Variants in PLBD2 observed in about 807,000 individuals in gnomAD.
PLBD2 encodes putative aminopeptidase PLBD2.
A neutral mutation model predicts 68.3 loss-of-function variants in PLBD2; 51 were observed. The ratio of observed to expected loss-of-function variants is 0.75; its 90% CI spans 0.60 to 0.94. PLBD2 has a LOEUF of 0.94. Ranked by LOEUF, PLBD2 falls within the 40% of genes least tolerant of loss-of-function variation. The pLI, the probability that PLBD2 is intolerant of heterozygous loss-of-function variation, is 0.00. For synonymous variants in PLBD2, 314 were observed against 339.3 expected (o/e 0.93, Z 0.82); for missense variants, 729 against 792.2 (o/e 0.92, Z 0.96).
intron 5 of PLBD2, among the ~76,000 whole-genome samples, chr12:113,379,616 A>G (rs1957467196): frequency 6.6e-6 from 1 of 152,072 alleles, no homozygotes; most frequent in Non-Finnish European, 1.5e-5. Context: ...CCAGACTAGC[A>G]CTTGTCAAGG....
At position 113,372,554 on chromosome 12, in the gene PLBD2, G is replaced by A; in HGVS notation, c.385-95G>A. The A allele has an allele frequency of 7.3e-7, 1 of 1,372,134 alleles. No individual in the cohort carries two copies. The highest frequency in any genetic ancestry group is 1.0e-6 in the Non-Finnish European group (1 of 996,326). The allele number at this position is 1,372,134 out of a possible 1,614,324, so 85.0% of individuals were successfully genotyped here. ...AGCAAGGACTCAGGTGGCCACACCAGCAGCCTCCGCTCTGGGGCAGCCTGG... is the reference window on the plus strand; with the variant it reads ...AGCAAGGACTCAGGTGGCCACACCAACAGCCTCCGCTCTGGGGCAGCCTGG... On this transcript the variant is annotated intron_variant, in intron 2 of 11. Transcript: ENST00000280800. This position sits in a 1 kb window ranked among gnomAD's most constrained non-coding sequence, Gnocchi z 4.2.
At chr12:113,360,113 G>C (rs1023161831) in intron 1 of PLBD2, among the ~76,000 whole-genome samples, 1 of 152,204 alleles carries the variant, frequency 6.6e-6, no homozygotes, top group Non-Finnish European at 1.5e-5. Context: ...CCCCATTCTG[G>C]TGGCACTTGG....
At chr12:113,387,614 G>A (rs528176685) in intron 10 of PLBD2, 130 bp from the exon 11 acceptor site, 2 of 988,742 alleles carry the variant, frequency 2.0e-6, no homozygotes, top group South Asian at 2.9e-5. Flanking sequence ...GTCGGGGGTA[G>A]TGTGCAGTGG....
At chr12:113,376,596 A>T (rs1434416571) in intron 5 of PLBD2, among the ~76,000 whole-genome samples, 3 of 152,208 alleles carry the variant, frequency 2.0e-5, no homozygotes, top group Non-Finnish European at 4.4e-5. Context: ...GCATGGGAAG[A>T]ATTAGAGCTA....
At chr12:113,371,295 C>T (rs1267067405) in intron 2 of PLBD2, among the ~76,000 whole-genome samples, 1 of 152,136 alleles carries the variant, frequency 6.6e-6, no homozygotes, top group East Asian at 1.9e-4. Context: ...AAGTGGGAGT[C>T]CTTAAAACAC....
At position 113,387,793 on chromosome 12, in the gene PLBD2, C is replaced by T. The variant is rs749925671; in HGVS notation, c.1489C>T (p.Pro497Ser). 8 of 1,614,186 alleles carry T rather than the reference C, an allele frequency of 5.0e-6. No individual in the cohort carries two copies. Among genetic ancestry groups the T allele is most frequent in the Middle Eastern group, 1.6e-4 (1 of 6,062 alleles). The change falls in exon 11 of 12, where the codon CCC becomes TCC. Residue 497 changes from proline (P) to serine (S), a missense_variant. Pro to Ser is a moderately conservative substitution (Grantham distance 74, BLOSUM62 -1). Coordinates refer to ENST00000280800, the MANE Select transcript of PLBD2 (RefSeq NM_173542.4). ...TCTGTCACTGTGCAAAGCCTGCAAC[C>T]CCCAGCCCAATGGGGAGAATGCTAT... ...DPLSLCKACN[P>S]QPNGENAISA...
chr12:113,382,286 A>G (rs1211641918), intron 6 of PLBD2, among the ~76,000 whole-genome samples: 1 of 152,210 alleles, frequency 6.6e-6, no homozygotes, highest in Non-Finnish European at 1.5e-5. Context: ...TAAATACCAT[A>G]AGTTAGAAGA....
intron 2 of PLBD2, among the ~76,000 whole-genome samples, chr12:113,370,264 A>G (rs1474600620): frequency 6.6e-6 from 1 of 152,038 alleles, no homozygotes; most frequent in Non-Finnish European, 1.5e-5. Flanking sequence ...AAATGACTGA[A>G]TGAAAGGGAA....
intron 3 of PLBD2, among the ~76,000 whole-genome samples, chr12:113,373,856 A>G (rs948404692): frequency 6.8e-6 from 1 of 146,598 alleles, no homozygotes; most frequent in African/African-American, 2.5e-5. Flanking sequence ...CCATACATAC[A>G]TACATCCACC....
At position 113,358,742 on chromosome 12, in the gene PLBD2, CGCTGGGCGCGCGATGGGCA is replaced by C. The variant is rs772351005; in HGVS notation, c.144_162del (p.Trp49SerfsTer81). On this transcript the variant is annotated frameshift_variant, in exon 1 of 12. Coordinates refer to ENST00000280800, the MANE Select transcript of PLBD2 (RefSeq NM_173542.4). LOFTEE classifies it high-confidence loss of function. ...GGGGGCGATCCCAGCGCCGGGGGGC[CGCTGGGCGCGCGATGGGCA>C]GGTCCCTCCAGCCTCCCGCAGCCGC... is the stretch of plus-strand genomic sequence containing the variant. The C allele has an allele frequency of 7.2e-7, 1 of 1,392,708 alleles. No individual in the cohort carries two copies. 86.3% of individuals were successfully genotyped at this position (1,392,708 alleles called of 1,614,324 possible). A position where few individuals can be genotyped will look rare whatever the true frequency, so the allele number is the denominator to read the frequency against.
At chr12:113,385,016 G>C in intron 8 of PLBD2, 70 bp downstream of exon 8, 1 of 1,460,766 alleles carries the variant, frequency 6.8e-7, no homozygotes, top group South Asian at 1.2e-5. Context: ...GCCCAGAGCC[G>C]TGCTGGCGCT....
intron 1 of PLBD2, among the ~76,000 whole-genome samples, chr12:113,363,695 G>A (rs1281293236): frequency 4.0e-5 from 6 of 151,618 alleles, no homozygotes; most frequent in East Asian, 1.9e-4. Context: ...CCGCCCCCAC[G>A]CCCGGCTAAT....
chr12:113,367,376 A>G (rs78745345), intron 1 of PLBD2, among the ~76,000 whole-genome samples: 3,864 of 152,230 alleles, frequency 0.025, 150 homozygotes, highest in East Asian at 0.12. Context: ...GGCAAACAGA[A>G]GTTTGCTCAT....
intron 1 of PLBD2, among the ~76,000 whole-genome samples, chr12:113,365,685 C>T (rs1957336570): frequency 6.6e-6 from 1 of 152,060 alleles, no homozygotes. Flanking sequence ...CTGTAATTCC[C>T]TGTATCAAGG....
chr12:113,387,005 C>T lies in PLBD2; in HGVS notation c.1355C>T (p.Ser452Phe). The change falls in exon 10 of 12, where the codon TCT becomes TTT. Residue 452 changes from serine to phenylalanine, a missense_variant. Ser to Phe is a radical substitution (Grantham distance 155, BLOSUM62 -2). Coordinates refer to ENST00000280800, the MANE Select transcript of PLBD2 (RefSeq NM_173542.4). ...GTGGCCCAGTATGGGGACTGGTTTT[C>T]TTATGACGGGAGCCCCCGGGCCCAG... ...ALVAQYGDWF[S>F]YDGSPRAQIF... The T allele has an allele frequency of 1.2e-6, 2 of 1,612,676 alleles. No individual in the cohort carries two copies. Among genetic ancestry groups the T allele is most frequent in the Non-Finnish European group, 1.7e-6 (2 of 1,179,462 alleles).
intron 6 of PLBD2, among the ~76,000 whole-genome samples, chr12:113,381,179 G>C (rs901023296): frequency 1.3e-5 from 2 of 152,146 alleles, no homozygotes; most frequent in East Asian, 3.9e-4. Flanking sequence ...ACTTGGGGAT[G>C]TTTGGGACTA....
At position 113,374,583 on chromosome 12, in the gene PLBD2, C is replaced by T. The variant is rs1409616762; in HGVS notation, c.644+9C>T. 6.3e-7 allele frequency: 1 copy of T among 1,584,368 alleles called. No individual in the cohort carries two copies. The highest frequency in any genetic ancestry group is 8.6e-7 in the Non-Finnish European group (1 of 1,163,832). On this transcript the variant is annotated intron_variant, in intron 4 of 11. Coordinates refer to ENST00000280800, the MANE Select transcript of PLBD2 (RefSeq NM_173542.4). ...AAACCCTTGGGGTTCCTGTAAGTGC[C>T]ACCCCCAGAGTGAACAGGGTGGGAA...
Position 113,388,551 on chromosome 12 carries a change from G to T in PLBD2, c.1695G>T (p.Ser565=). 3 of 1,611,256 alleles carry T rather than the reference G, an allele frequency of 1.9e-6. No individual in the cohort carries two copies. Among genetic ancestry groups the T allele is most frequent in the Non-Finnish European group, 1.7e-6 (2 of 1,178,720 alleles). The change falls in exon 12 of 12, where the codon TCG becomes TCT. Residue 565 remains serine (S), a synonymous_variant. Transcript: ENST00000280800. The stretch of plus-strand genomic sequence containing the variant: ...TGCCCCCGTTCCAGTGGAGCACCTC[G>T]CCCTTCAGCGGCCTGCTGCACATGG... The part of the protein sequence containing the change: ...DQVPPFQWST[S]PFSGLLHMGQ...
At chr12:113,382,864 T>TGA (rs1957507875) in intron 6 of PLBD2, among the ~76,000 whole-genome samples, 1 of 114,574 alleles carries the variant, frequency 8.7e-6, no homozygotes, top group Non-Finnish European at 1.9e-5. Flanking sequence ...TGTGTGTGTG[T>TGA]GTGTTTTTTT....
Sources: allele counts gnomAD v4.1 joint callset (sites outside exome capture counted in the v4.1 genomes callset), GRCh38; gene constraint gnomAD v4.1.1; non-coding constraint Gnocchi (gnomAD v3.1); transcripts MANE v1.5; gene names NCBI Gene and HGNC (gene_info 2026-07-23, HGNC 2026-07-21).